The following BRDT variants were observed in gnomAD, a reference collection of about 807,000 sequenced individuals.
BRDT encodes the protein bromodomain testis-specific protein.
A neutral mutation model predicts 113.9 loss-of-function variants in BRDT; 77 were observed. The ratio of observed to expected loss-of-function variants is 0.68; its 90% CI spans 0.56 to 0.82. BRDT has a LOEUF of 0.82. BRDT is among the 40% of genes least tolerant of loss of function. The pLI, the probability that BRDT is intolerant of heterozygous loss-of-function variation, is 0.00. For synonymous variants in BRDT, 358 were observed against 366.5 expected, an observed-to-expected ratio of 0.98 and a Z score of 0.26; for missense variants, 1,027 against 1,105.4, an observed-to-expected ratio of 0.93 and a Z score of 1.01.
rs1265707716 is a variant in BRDT at position 92,004,334 on chromosome 1, G to A, written c.2389-80G>A. On this transcript the variant is annotated intron_variant, in intron 16 of 18. Transcript: ENST00000399546. ...TAGAATCTTAATTAGATCTATTGCT[G>A]TATCATCAAAAAATGTTTTCTTCCT... 8 of 924,858 alleles carry A rather than the reference G, an allele frequency of 8.6e-6. No homozygotes were observed. In the African/African-American group the frequency reaches 1.2e-4, roughly 14 times the overall value. The allele number at this position is 924,858 out of a possible 1,614,324, so 57.3% of individuals were successfully genotyped here. A position where few individuals can be genotyped will look rare whatever the true frequency, so the allele number is the denominator to read the frequency against.
chr1:91,952,038 C>G (rs1681151054), intron 1 of BRDT: 2 of 152,156 alleles, frequency 1.3e-5, no homozygotes, highest in South Asian at 2.1e-4. Flanking sequence ...ACAAAAAACT[C>G]TGCAAAGAGA....
chr1:91,958,487 ATT>A (rs1682050256), intron 1 of BRDT, among the ~76,000 whole-genome samples: 1 of 152,106 alleles, frequency 6.6e-6, no homozygotes, highest in Non-Finnish European at 1.5e-5. Flanking sequence ...AAGTGTTGGG[ATT>A]ACAGGTGTGA....
Position 91,964,725 on chromosome 1 carries a change from C to T in BRDT, c.291C>T (p.Asp97=). The T allele has an allele frequency of 3.4e-6, 5 of 1,491,536 alleles. No homozygotes were observed. The highest frequency in any genetic ancestry group is 3.6e-6 in the Non-Finnish European group (4 of 1,098,378). 92.4% of individuals were successfully genotyped at this position (1,491,536 alleles called of 1,614,324 possible). ...YYAKASECIE[D]FNTMFSNCYL... The stretch of plus-strand genomic sequence containing the variant: ...CGAAGGCTTCAGAATGTATAGAAGA[C>T]TTCAATACAATGTTCTCAAATTGTT... Residue 97 remains aspartate, a synonymous_variant, in exon 3 of 19, where the codon GAC becomes GAT. Coordinates refer to ENST00000399546, the MANE Select transcript of BRDT (RefSeq NM_207189.4).
intron 8 of BRDT, among the ~76,000 whole-genome samples, chr1:91,980,284 TA>T (rs1204772563): frequency 2.7e-5 from 4 of 150,890 alleles, no homozygotes; most frequent in Non-Finnish European, 5.9e-5. Flanking sequence ...CACTTGAGCT[TA>T]GGAGGTTGAG....
At chr1:91,951,347 T>C (rs911922161) in intron 1 of BRDT, among the ~76,000 whole-genome samples, 11 of 152,234 alleles carry the variant, frequency 7.2e-5, no homozygotes, top group Non-Finnish European at 1.5e-4. Context: ...CAGTGGTTTA[T>C]TGGATGGAGA....
intron 1 of BRDT, among the ~76,000 whole-genome samples, chr1:91,954,098 A>G (rs372317269): frequency 6.6e-6 from 1 of 151,940 alleles, no homozygotes; most frequent in South Asian, 2.1e-4. Flanking sequence ...CAGCCTCCCA[A>G]GTAGCTGGGA....
At chr1:91,989,609 C>T (rs1447844883) in intron 12 of BRDT, among the ~76,000 whole-genome samples, 2 of 152,184 alleles carry the variant, frequency 1.3e-5, no homozygotes, top group East Asian at 1.9e-4. Context: ...GATCTAACCA[C>T]CTTGGCCTCC....
intron 14 of BRDT, 98 bp downstream of exon 14, chr1:91,992,412 CAAAAAAAA>C: frequency 5.6e-6 from 1 of 179,262 alleles, no homozygotes; most frequent in East Asian, 1.8e-4. Flanking sequence ...TGAAGAGAGG[CAAAAAAAA>C]AAAAAAAAAA....
intron 2 of BRDT, 28 bp from the exon 3 acceptor site, chr1:91,964,595 TACTA>T (rs763054718): frequency 1.5e-6 from 2 of 1,291,054 alleles, no homozygotes; most frequent in African/African-American, 2.9e-5. Flanking sequence ...TATTCATTCT[TACTA>T]ACATTTAGAA....
chr1:91,960,975 G>A (rs914680523), intron 1 of BRDT, among the ~76,000 whole-genome samples: 2 of 152,188 alleles, frequency 1.3e-5, no homozygotes, highest in Non-Finnish European at 2.9e-5. Flanking sequence ...AGCAATATGT[G>A]CCACAGAGTA....
intron 1 of BRDT, among the ~76,000 whole-genome samples, chr1:91,952,496 G>C (rs1432809455): frequency 1.3e-5 from 2 of 152,070 alleles, no homozygotes; most frequent in Non-Finnish European, 2.9e-5. Context: ...AAATGCTCTG[G>C]GATGAGGTAT....
chr1:91,961,716 T>G (rs1440148131), intron 1 of BRDT, among the ~76,000 whole-genome samples: 1 of 152,166 alleles, frequency 6.6e-6, no homozygotes, highest in Non-Finnish European at 1.5e-5. Context: ...TTCATTGAAT[T>G]AACAATTGTA....
In BRDT at chr1:91,978,361, C is replaced by A. The variant is rs936799342; in HGVS notation, c.1098+65C>A. On this transcript the variant is annotated intron_variant, in intron 7 of 18. Coordinates refer to ENST00000399546, the MANE Select transcript of BRDT (RefSeq NM_207189.4). Reference sequence around the variant, plus strand: ...AACATAGTTGAAACGTTTTTTAGAACCATAATGTAAGAGATAAAGAATAAT... The same window carrying A: ...AACATAGTTGAAACGTTTTTTAGAAACATAATGTAAGAGATAAAGAATAAT... The A allele has an allele frequency of 1.7e-5, 26 of 1,566,768 alleles. 1 individual carries two copies. The South Asian group carries it at 2.9e-4, about 18-fold the overall frequency.
At chr1:91,965,708 A>G (rs768522075) in intron 3 of BRDT, among the ~76,000 whole-genome samples, 3 of 152,072 alleles carry the variant, frequency 2.0e-5, no homozygotes, top group Admixed American at 6.6e-5. Context: ...TTAGCTGGGC[A>G]TGGTGGCATG....
intron 12 of BRDT, among the ~76,000 whole-genome samples, chr1:91,988,182 CT>C (rs1270217013): frequency 1.6e-4 from 25 of 151,980 alleles, no homozygotes; most frequent in African/African-American, 6.0e-4. Context: ...AAAATGAAAA[CT>C]TTGCTAACAA....
chr1:91,962,830 G>T lies in BRDT; in HGVS notation c.76G>T (p.Gly26Trp), dbSNP rs750499319. ...AGAATATATAAATACTAAGAAAAAT[G>T]GGCGATTGACAAATCAACTTCAGTA... Reference protein sequence around the residue: ...PPEYINTKKNGRLTNQLQYLQ... With the variant: ...PPEYINTKKNWRLTNQLQYLQ... Residue 26 changes from glycine (G) to tryptophan (W), a missense_variant, in exon 2 of 19, where the codon GGG (glycine) becomes TGG (tryptophan). Coordinates refer to ENST00000399546, the MANE Select transcript of BRDT (RefSeq NM_207189.4). 2 of 1,612,218 alleles carry T rather than the reference G, an allele frequency of 1.2e-6. No homozygotes were observed. Among genetic ancestry groups the T allele is most frequent in the Admixed American group, 3.4e-5 (2 of 59,624 alleles).
Position 91,977,120 on chromosome 1 carries a change from T to C in BRDT, c.696T>C (p.Ser232=). 6.2e-7 allele frequency: 1 copy of C among 1,613,766 alleles called. No homozygotes were observed. The highest frequency in any genetic ancestry group is 8.5e-7 in the Non-Finnish European group (1 of 1,179,938). ...CAGTTAAAGCAAGTAGTGAATTTTC[T>C]CCAACATTCACAGAAAAATCAGTGG... The part of the protein sequence containing the change: ...TSAVKASSEF[S]PTFTEKSVAL... The change falls in exon 6 of 19, where the codon TCT becomes TCC. Residue 232 remains serine, a synonymous_variant. Transcript: ENST00000399546.
At chr1:91,988,807 T>C (rs1236539956) in intron 12 of BRDT, among the ~76,000 whole-genome samples, 2 of 152,214 alleles carry the variant, frequency 1.3e-5, no homozygotes, top group Non-Finnish European at 2.9e-5. Context: ...TCTTTTAATT[T>C]CAAAGGCCAG....
In BRDT at chr1:92,004,740, G is replaced by GT. The variant is rs562396218; in HGVS notation, c.2594+122dup. 3.6e-4 allele frequency: 311 copies of GT among 852,234 alleles called. 5 individuals carry two copies. In the South Asian group the frequency reaches 7.5e-3, roughly 21 times the overall value. 52.8% of individuals were successfully genotyped at this position (852,234 alleles called of 1,614,324 possible). A position where few individuals can be genotyped will look rare whatever the true frequency, so the allele number is the denominator to read the frequency against. On this transcript the variant is annotated intron_variant, in intron 17 of 18. Transcript: ENST00000399546. ...TGTTTAGTAGAACACAGAGCAAATT[G>GT]TAATTGCAAAAAGTACATTTGATAC... is the stretch of plus-strand genomic sequence containing the variant.
Sources: allele counts gnomAD v4.1 joint callset (sites outside exome capture counted in the v4.1 genomes callset), GRCh38; gene constraint gnomAD v4.1.1; transcripts MANE v1.5; gene names NCBI Gene and HGNC (gene_info 2026-07-23, HGNC 2026-07-21).